The following MTR variants were observed in gnomAD, a reference collection of about 807,000 sequenced individuals.
The protein encoded by MTR is methionine synthase.
In MTR, 84 loss-of-function variants were observed where a neutral mutation model predicts 154.8. The observed-to-expected ratio is 0.54, with a 90% CI of 0.45 to 0.65. The LOEUF (loss-of-function observed/expected upper bound fraction) is 0.65. MTR is among the 30% of genes least tolerant of loss of function. MTR has a pLI of 0.00. For synonymous variants in MTR, 554 were observed against 553.9 expected (o/e 1.00, Z 0.00); for missense variants, 1,275 against 1,570.2 (o/e 0.81, Z 3.18).
At chr1:236,814,101 A>G (rs541622815) in intron 6 of MTR, among the ~76,000 whole-genome samples, 10 of 152,306 alleles carry the variant, frequency 6.6e-5, no homozygotes, top group Non-Finnish European at 1.2e-4. Flanking sequence ...ATCGTTTTCT[A>G]AAATACTTGC....
At chr1:236,808,947 C>T (rs1661144835) in intron 4 of MTR, among the ~76,000 whole-genome samples, 174 bp downstream of exon 4, 1 of 152,222 alleles carries the variant, frequency 6.6e-6, no homozygotes, top group East Asian at 1.9e-4. Flanking sequence ...TAATCAAGCA[C>T]TCAACATCTT....
At chr1:236,832,488 T>C (rs1052953052) in intron 13 of MTR, among the ~76,000 whole-genome samples, 13 of 152,362 alleles carry the variant, frequency 8.5e-5, no homozygotes, top group African/African-American at 3.1e-4. Context: ...GAGGGTATTA[T>C]GGATCTTGTT....
At chr1:236,836,157 A>C (rs1662892750) in intron 14 of MTR, among the ~76,000 whole-genome samples, 1 of 152,176 alleles carries the variant, frequency 6.6e-6, no homozygotes, top group South Asian at 2.1e-4. Flanking sequence ...AAAAGGTGAA[A>C]ATTGATTTTC....
At chr1:236,830,185 A>ATT (rs201699383) in intron 12 of MTR, among the ~76,000 whole-genome samples, 17 of 148,538 alleles carry the variant, frequency 1.1e-4, no homozygotes, top group African/African-American at 3.7e-4. Flanking sequence ...CTAGCCCTTT[A>ATT]TTTTTTTTTT....
At chr1:236,796,847 C>T (rs977159008) in intron 1 of MTR, among the ~76,000 whole-genome samples, 1 of 151,612 alleles carries the variant, frequency 6.6e-6, no homozygotes, top group Non-Finnish European at 1.5e-5. Context: ...AATAAATGAT[C>T]ATAGGGAGAT....
intron 27 of MTR, among the ~76,000 whole-genome samples, chr1:236,886,694 T>G (rs1666027653): frequency 6.6e-6 from 1 of 152,180 alleles, no homozygotes; most frequent in Admixed American, 6.5e-5. Context: ...ACTAGGAATC[T>G]CTCTCTGGTC....
At chr1:236,842,126 C>G (rs923382007) in intron 15 of MTR, among the ~76,000 whole-genome samples, 2 of 152,126 alleles carry the variant, frequency 1.3e-5, no homozygotes, top group African/African-American at 4.8e-5. Context: ...CTCCTGACCT[C>G]GTGATCCGCC....
rs1300851241 is a variant in MTR, at chr1:236,861,400, C to A, written c.2196+123C>A. 224 of 1,351,382 alleles carry A rather than the reference C, an allele frequency of 1.7e-4. 1 individual carries two copies. The highest frequency in any genetic ancestry group is 1.0e-5 in the Non-Finnish European group (10 of 962,260). The allele number at this position is 1,351,382 out of a possible 1,614,324, so 83.7% of individuals were successfully genotyped here. On this transcript the variant is annotated intron_variant, in intron 20 of 32. Coordinates refer to ENST00000366577, the MANE Select transcript of MTR (RefSeq NM_000254.3). The stretch of plus-strand genomic sequence containing the variant: ...CAAGAGTTCAATGGTATTGGCTAGT[C>A]ATTCCTTCTCTAAATATGTTTAGGA...
rs769698965 is a variant in MTR at position 236,831,986 on chromosome 1, G to A, written c.1096G>A (p.Gly366Arg). 5 of 1,614,098 alleles carry A rather than the reference G, an allele frequency of 3.1e-6. No homozygotes were observed. Among genetic ancestry groups the A allele is most frequent in the Non-Finnish European group, 4.2e-6 (5 of 1,179,968 alleles). Reference sequence around the variant, plus strand: ...TTAAGGTCTAGAGCCCTTCAGGATTGGACCGTACACCAACTTTGTTAACAT... The same window carrying A: ...TTAAGGTCTAGAGCCCTTCAGGATTAGACCGTACACCAACTTTGTTAACAT... ...LLSGLEPFRI[G>R]PYTNFVNIGE... The change falls in exon 13 of 33, where the codon GGA becomes AGA. Residue 366 changes from glycine to arginine, a missense_variant. By Grantham distance (125) the Gly-to-Arg change is moderately radical (BLOSUM62 -2). Coordinates refer to ENST00000366577, the MANE Select transcript of MTR (RefSeq NM_000254.3).
At chr1:236,862,481 C>A (rs1664600145) in intron 21 of MTR, 138 bp downstream of exon 21, 1 of 699,554 alleles carries the variant, frequency 1.4e-6, no homozygotes, top group Non-Finnish European at 2.6e-6. Context: ...CACATCTCTC[C>A]CTTTTTTAAC....
In MTR at chr1:236,885,176, A is replaced by T. The variant is rs1413424353; in HGVS notation, c.2732A>T (p.Glu911Val). 1 of 1,609,080 alleles carries T rather than the reference A, an allele frequency of 6.2e-7. No homozygotes were observed. The highest frequency in any genetic ancestry group is 1.7e-5 in the Admixed American group (1 of 60,028). The stretch of plus-strand genomic sequence containing the variant: ...GATGAATACTTTGAGGAAATCATGG[A>T]AGAATATGAAGATATTAGACAGGAC... Reference protein sequence around the residue: ...LKDEYFEEIMEEYEDIRQDHY... With the variant: ...LKDEYFEEIMVEYEDIRQDHY... Residue 911 changes from glutamate to valine, a missense_variant, in exon 26 of 33, where the codon GAA becomes GTA. Glu to Val is a moderately radical substitution (Grantham distance 121). Coordinates refer to ENST00000366577, the MANE Select transcript of MTR (RefSeq NM_000254.3).
Position 236,880,837 on chromosome 1 carries a change from G to C in MTR, c.2676+1G>C. 1.2e-6 allele frequency: 2 copies of C among 1,613,470 alleles called. No individual in the cohort carries two copies. Among genetic ancestry groups the C allele is most frequent in the Non-Finnish European group, 1.7e-6 (2 of 1,179,404 alleles). ...GGACGCGTCCAAGAGTGTGGTGGTG[G>C]TAAGTGGGTGACCTTACATTTTATT... is the stretch of plus-strand genomic sequence containing the variant. On this transcript the variant is annotated splice_donor_variant, in intron 25 of 32. Transcript: ENST00000366577. LOFTEE classifies it high-confidence loss of function.
At chr1:236,843,815 TAAG>T (rs1663404378) in intron 15 of MTR, among the ~76,000 whole-genome samples, 1 of 152,128 alleles carries the variant, frequency 6.6e-6, no homozygotes, top group Non-Finnish European at 1.5e-5. Context: ...GCTACTGAGG[TAAG>T]AAAGACTGAG....
Position 236,829,267 on chromosome 1 carries a change from T to C in MTR, c.1074T>C (p.Ser358=), listed in dbSNP as rs1430063160. 5.0e-6 allele frequency: 8 copies of C among 1,612,776 alleles called. No homozygotes were observed. Among genetic ancestry groups the C allele is most frequent in the Non-Finnish European group, 6.8e-6 (8 of 1,178,892 alleles). The change falls in exon 12 of 33, where the codon TCT becomes TCC. Residue 358 remains serine, a splice_region_variant and synonymous_variant. Transcript: ENST00000366577. ...CTTTTGAAGGACATATGTTACTGTCTGGTGAGTCATAAAGACCTGGTATTC... is the reference window on the plus strand; with the variant it reads ...CTTTTGAAGGACATATGTTACTGTCCGGTGAGTCATAAAGACCTGGTATTC... The part of the protein sequence containing the change: ...ATAFEGHMLL[S]GLEPFRIGPY...
At chr1:236,865,826 T>C (rs1664793841) in intron 22 of MTR, among the ~76,000 whole-genome samples, 1 of 152,124 alleles carries the variant, frequency 6.6e-6, no homozygotes, top group African/African-American at 2.4e-5. Context: ...TTTTGGTTCC[T>C]TTCCTTTCTT....
At chr1:236,874,932 G>T in intron 24 of MTR, 86 bp downstream of exon 24, 2 of 1,475,034 alleles carry the variant, frequency 1.4e-6, no homozygotes, top group Non-Finnish European at 1.9e-6. Flanking sequence ...TGTTGTTTTG[G>T]ATTTTCCCTT....
Position 236,852,939 on chromosome 1 carries a change from T to G in MTR, c.1813-9T>G. The G allele has an allele frequency of 6.2e-7, 1 of 1,613,960 alleles. No individual in the cohort carries two copies. On this transcript the variant is annotated splice_polypyrimidine_tract_variant and intron_variant, in intron 17 of 32. Coordinates refer to ENST00000366577, the MANE Select transcript of MTR (RefSeq NM_000254.3). ...TGTAAATTCTCATTTTTATTTGTAT[T>G]GCCCTTAGTCTGGCATGGACATGGG... is the stretch of plus-strand genomic sequence containing the variant.
chr1:236,844,463 T>C lies in MTR; in HGVS notation c.1515+5864T>C, dbSNP rs891390433. ...GAGGTTCAGAAAGGGCGTGTGTGTGTGTGTGTGTGTGTGTGTGTGTGTGTG... is the reference window on the plus strand; with the variant it reads ...GAGGTTCAGAAAGGGCGTGTGTGTGCGTGTGTGTGTGTGTGTGTGTGTGTG... On this transcript the variant is annotated intron_variant, in intron 15 of 32. Transcript: ENST00000366577. 8.8e-3 allele frequency among the ~76,000 whole-genome samples: 157 copies of C among 17,868 alleles called. 1 individual carries two copies. The highest frequency in any genetic ancestry group is 0.042 in the African/African-American group (154 of 3,642). The allele number at this position is 17,868 out of a possible 152,430, so 11.7% of individuals were successfully genotyped here.
At position 236,891,864 on chromosome 1, in the gene MTR, A is replaced by T. The variant is rs868024971; in HGVS notation, c.3204+535A>T. Among the ~76,000 whole-genome samples the T allele has an allele frequency of 2.0e-5, 3 of 152,276 alleles. No individual in the cohort carries two copies. In the Middle Eastern group the frequency reaches 0.01, roughly 518 times the overall value. On this transcript the variant is annotated intron_variant, in intron 29 of 32. Transcript: ENST00000366577. Reference sequence around the variant, plus strand: ...AGTTTAAGTTTGTGTTTTACAGAGAAGATGAAGGATGATGGAGATTGTGCT... The same window carrying T: ...AGTTTAAGTTTGTGTTTTACAGAGATGATGAAGGATGATGGAGATTGTGCT...
Sources: allele counts gnomAD v4.1 joint callset (sites outside exome capture counted in the v4.1 genomes callset), GRCh38; gene constraint gnomAD v4.1.1; transcripts MANE v1.5; gene names NCBI Gene and HGNC (gene_info 2026-07-23, HGNC 2026-07-21).